The following SHMT2 variants were observed in gnomAD, a reference collection of about 807,000 sequenced individuals.
SHMT2 encodes serine hydroxymethyltransferase 2.
SHMT2 carries 38 observed loss-of-function variants against 59.6 expected under a neutral mutation model. That is an observed-to-expected ratio of 0.64 (90% CI 0.49 to 0.84). SHMT2 has a LOEUF of 0.84. SHMT2 is among the 40% of genes least tolerant of loss of function. The probability of loss-of-function intolerance (pLI) is 0.00; values close to 1 mark genes in which losing one functional copy is unlikely to be tolerated. For synonymous variants in SHMT2, 254 were observed against 258.1 expected, an observed-to-expected ratio of 0.98 and a Z score of 0.15; for missense variants, 533 against 659.5, an observed-to-expected ratio of 0.81 and a Z score of 2.10.
In SHMT2 at chr12:57,229,991, G is replaced by A. The variant is rs533069399; in HGVS notation, c.33+180G>A. ...CCCCTGGGCGCGCGTGGAGTTAACT[G>A]CGAGCCTGTCCTCATTCTGGCGATC... is the stretch of plus-strand genomic sequence containing the variant. On this transcript the variant is annotated intron_variant, in intron 1 of 11. Coordinates refer to ENST00000328923, the MANE Select transcript of SHMT2 (RefSeq NM_005412.6). 15 of 1,445,538 alleles carry A rather than the reference G, an allele frequency of 1.0e-5. No homozygotes were observed. The East Asian group carries it at 1.5e-4, about 14-fold the overall frequency. The allele number at this position is 1,445,538 out of a possible 1,614,324, so 89.5% of individuals were successfully genotyped here. A position where few individuals can be genotyped will look rare whatever the true frequency, so the allele number is the denominator to read the frequency against.
Position 57,233,739 on chromosome 12 carries a change from C to A in SHMT2, c.1124-10C>A. The A allele has an allele frequency of 6.2e-7, 1 of 1,613,794 alleles. No homozygotes were observed. Among genetic ancestry groups the A allele is most frequent in the South Asian group, 1.1e-5 (1 of 91,058 alleles). ...AGGACTCACCACTCCCCATTTCTTA[C>A]CCACCTTAGGTGGTACTGACAACCA... On this transcript the variant is annotated splice_polypyrimidine_tract_variant and intron_variant, in intron 9 of 11. Coordinates refer to ENST00000328923, the MANE Select transcript of SHMT2 (RefSeq NM_005412.6).
intron 1 of SHMT2, chr12:57,230,538 T>G (rs2037270235): frequency 7.4e-7 from 1 of 1,349,376 alleles, no homozygotes; most frequent in African/African-American, 1.5e-5. Flanking sequence ...GGACAAGCTT[T>G]GCAGAGTGGT....
rs1219957565 is a variant in SHMT2, at chr12:57,229,819, T to A, written c.33+8T>A. The A allele has an allele frequency of 3.1e-6, 5 of 1,614,172 alleles. No individual in the cohort carries two copies. Among genetic ancestry groups the A allele is most frequent in the Non-Finnish European group, 4.2e-6 (5 of 1,179,994 alleles). On this transcript the variant is annotated splice_region_variant and intron_variant, in intron 1 of 11. Coordinates refer to ENST00000328923, the MANE Select transcript of SHMT2 (RefSeq NM_005412.6). ...TTGTTTTGGGCGGCTCGGGTAAGAA[T>A]GGGGCTCCAAACGCTGGGTAATCAG...
Position 57,231,892 on chromosome 12 carries a change from T to C in SHMT2, c.491T>C (p.Leu164Pro). Residue 164 changes from leucine (L) to proline (P), a missense_variant, in exon 4 of 12, where the codon CTG becomes CCG. Physicochemically the swap from Leu to Pro is moderately conservative, Grantham distance 98. Coordinates refer to ENST00000328923, the MANE Select transcript of SHMT2 (RefSeq NM_005412.6). ...CAACCTCACGACCGGATCATGGGGCTGGACCTGCCCGATGGGGGCCAGTGA... is the reference window on the plus strand; with the variant it reads ...CAACCTCACGACCGGATCATGGGGCCGGACCTGCCCGATGGGGGCCAGTGA... ...LLQPHDRIMG[L>P]DLPDGGHLTH... 6.2e-7 allele frequency: 1 copy of C among 1,611,694 alleles called. No individual in the cohort carries two copies.
Position 57,234,398 on chromosome 12 carries a change from A to G in SHMT2, c.*37A>G, listed in dbSNP as rs751474653. 2 of 1,532,674 alleles carry G rather than the reference A, an allele frequency of 1.3e-6. No individual in the cohort carries two copies. The highest frequency in any genetic ancestry group is 1.8e-6 in the Non-Finnish European group (2 of 1,139,684). The allele number at this position is 1,532,674 out of a possible 1,614,324, so 94.9% of individuals were successfully genotyped here. A position where few individuals can be genotyped will look rare whatever the true frequency, so the allele number is the denominator to read the frequency against. ...AAATGAGGCCCACAGACTCAAAGTTACTCTCCTTCCCCCTACCTGGGCCAG... is the reference window on the plus strand; with the variant it reads ...AAATGAGGCCCACAGACTCAAAGTTGCTCTCCTTCCCCCTACCTGGGCCAG... On this transcript the variant is annotated 3_prime_UTR_variant, in exon 12 of 12. Transcript: ENST00000328923.
In SHMT2 at chr12:57,232,280, C is replaced by G; in HGVS notation, c.582C>G (p.Pro194=). The G allele has an allele frequency of 1.2e-6, 2 of 1,614,064 alleles. No individual in the cohort carries two copies. The highest frequency in any genetic ancestry group is 1.1e-5 in the South Asian group (1 of 91,080). The change falls in exon 5 of 12, where the codon CCC becomes CCG. Residue 194 remains proline, a synonymous_variant. Transcript: ENST00000328923. The part of the protein sequence containing the change: ...SATSIFFESM[P]YKLNPKTGLI... ...CGTCCATCTTCTTCGAGTCTATGCC[C>G]TATAAGCTCAACGTGAGTGCTCTAG...
At position 57,234,879 on chromosome 12, in the gene SHMT2, G is replaced by A. The variant is rs1222137009; in HGVS notation, c.*518G>A. On this transcript the variant is annotated 3_prime_UTR_variant, in exon 12 of 12. Transcript: ENST00000328923. Reference sequence around the variant, plus strand: ...CTGTCTCTGATCAGAGCCGACACCAGACGTGATTAGCAGGCGCAGCAAATT... The same window carrying A: ...CTGTCTCTGATCAGAGCCGACACCAAACGTGATTAGCAGGCGCAGCAAATT... 1 of 156,772 alleles carries A rather than the reference G, an allele frequency of 6.4e-6. No homozygotes were observed. Among genetic ancestry groups the A allele is most frequent in the Non-Finnish European group, 1.4e-5 (1 of 70,806 alleles). The allele number at this position is 156,772 out of a possible 1,614,324, so 9.7% of individuals were successfully genotyped here.
rs776789647 is a variant in SHMT2 at position 57,230,877 on chromosome 12, T to C, written c.108T>C (p.Thr36=). ...AQHSNAAQTQ[T]GEANRGWTGQ... ...ACAGCAACGCAGCCCAGACTCAGAC[T>C]GGGGAAGCAAACAGGGGCTGGACAG... Residue 36 remains threonine (T), a synonymous_variant, in exon 2 of 12, where the codon ACT becomes ACC. Coordinates refer to ENST00000328923, the MANE Select transcript of SHMT2 (RefSeq NM_005412.6). 3 of 1,614,066 alleles carry C rather than the reference T, an allele frequency of 1.9e-6. No individual in the cohort carries two copies. The highest frequency in any genetic ancestry group is 1.1e-5 in the South Asian group (1 of 91,074).
At position 57,231,749 on chromosome 12, in the gene SHMT2, G is replaced by A. The variant is rs868128613; in HGVS notation, c.348G>A (p.Glu116=). The change falls in exon 4 of 12, where the codon GAG becomes GAA. Residue 116 remains glutamate (E), a synonymous_variant. Transcript: ENST00000328923. ...GAGCAGAGGTGGTGGATGAAATTGA[G>A]CTGCTGTGCCAGCGCCGGGCCTTGG... ...YGGAEVVDEI[E]LLCQRRALEA... The A allele has an allele frequency of 1.6e-5, 26 of 1,614,100 alleles. No homozygotes were observed. Among genetic ancestry groups the A allele is most frequent in the Middle Eastern group, 3.3e-4 (2 of 6,084 alleles).
intron 1 of SHMT2, 127 bp downstream of exon 1, chr12:57,229,938 C>T: frequency 6.7e-7 from 1 of 1,489,818 alleles, no homozygotes; most frequent in Non-Finnish European, 9.0e-7. Flanking sequence ...CCTCAGGGAG[C>T]GGACGTGTAA....
In SHMT2 at chr12:57,232,465, C is replaced by T. The variant is rs760986751; in HGVS notation, c.607C>T (p.Leu203Phe). The change falls in exon 6 of 12, where the codon CTC becomes TTC. Residue 203 changes from leucine to phenylalanine, a missense_variant. Leu to Phe is a conservative substitution (Grantham distance 22). Transcript: ENST00000328923. ...MPYKLNPKTGLIDYNQLALTA... is the reference protein window; with the variant it reads ...MPYKLNPKTGFIDYNQLALTA... ...TGTGTCTGTCCAGCCCAAAACTGGCCTCATTGACTACAACCAGCTGGCACT... is the reference window on the plus strand; with the variant it reads ...TGTGTCTGTCCAGCCCAAAACTGGCTTCATTGACTACAACCAGCTGGCACT... 4 of 1,614,074 alleles carry T rather than the reference C, an allele frequency of 2.5e-6. No individual in the cohort carries two copies. The highest frequency in any genetic ancestry group is 3.4e-6 in the Non-Finnish European group (4 of 1,180,038).
At position 57,233,652 on chromosome 12, in the gene SHMT2, A is replaced by G. The variant is rs765428793; in HGVS notation, c.1113A>G (p.Ser371=). 3 of 1,614,036 alleles carry G rather than the reference A, an allele frequency of 1.9e-6. No homozygotes were observed. Among genetic ancestry groups the G allele is most frequent in the East Asian group, 4.5e-5 (2 of 44,890 alleles). The change falls in exon 9 of 12, where the codon TCA becomes TCG. Residue 371 remains serine, a synonymous_variant. Transcript: ENST00000328923. ...ATGCCCTGCTAGAGCGAGGCTACTC[A>G]CTGGTATCAGGTAAGCCAGCAGGTG... The part of the protein sequence containing the change: ...MADALLERGY[S]LVSGGTDNHL...
chr12:57,231,203 C>G (rs2037302658), intron 2 of SHMT2: 1 of 630,034 alleles, frequency 1.6e-6, no homozygotes, highest in East Asian at 2.8e-5. Context: ...TCCAGGGTCC[C>G]TACAGTTTCA....
At chr12:57,234,183 A>G in intron 11 of SHMT2, 51 bp from the exon 12 acceptor site, 2 of 1,613,202 alleles carry the variant, frequency 1.2e-6, no homozygotes, top group Non-Finnish European at 1.7e-6. Context: ...AGCTGATCTC[A>G]CTGCCTTCCC....
In SHMT2 at chr12:57,233,738, A is replaced by G. The variant is rs1481663241; in HGVS notation, c.1124-11A>G. On this transcript the variant is annotated splice_polypyrimidine_tract_variant and intron_variant, in intron 9 of 11. Transcript: ENST00000328923. ...CAGGACTCACCACTCCCCATTTCTT[A>G]CCCACCTTAGGTGGTACTGACAACC... The G allele has an allele frequency of 6.2e-7, 1 of 1,613,834 alleles. No individual in the cohort carries two copies.
In SHMT2 at chr12:57,234,540, C is replaced by CT. The variant is rs923443104; in HGVS notation, c.*186dup. 1.6e-5 allele frequency: 10 copies of CT among 618,612 alleles called. No homozygotes were observed. The highest frequency in any genetic ancestry group is 1.1e-4 in the Admixed American group (3 of 26,872). The allele number at this position is 618,612 out of a possible 1,614,324, so 38.3% of individuals were successfully genotyped here. A position where few individuals can be genotyped will look rare whatever the true frequency, so the allele number is the denominator to read the frequency against. Reference sequence around the variant, plus strand: ...TAACTGAGAAGATCTTTTCTTTTTCCTTTTTTTGGTAACAAGACTTAGAAG... The same window carrying CT: ...TAACTGAGAAGATCTTTTCTTTTTCCTTTTTTTTGGTAACAAGACTTAGAAG... On this transcript the variant is annotated 3_prime_UTR_variant, in exon 12 of 12. Transcript: ENST00000328923.
intron 2 of SHMT2, 71 bp downstream of exon 2, chr12:57,231,071 A>G (rs2037297477): frequency 6.9e-7 from 1 of 1,450,394 alleles, no homozygotes; most frequent in African/African-American, 1.4e-5. Context: ...ATCTTAACTG[A>G]TATTTCTCCA....
intron 1 of SHMT2, 188 bp downstream of exon 1, chr12:57,229,999 G>T: frequency 7.0e-7 from 1 of 1,437,542 alleles, no homozygotes; most frequent in Non-Finnish European, 9.1e-7. Context: ...CTGCGAGCCT[G>T]TCCTCATTCT....
At chr12:57,231,294 G>T in intron 2 of SHMT2, 187 bp from the exon 3 acceptor site, 1 of 654,004 alleles carries the variant, frequency 1.5e-6, no homozygotes, top group Non-Finnish European at 2.6e-6. Flanking sequence ...GCATTGAGGG[G>T]CCACTGCTCA....
Sources: gnomAD v4.1 joint callset for allele counts on GRCh38, gnomAD v4.1.1 for gene constraint, MANE v1.5 for transcripts, NCBI Gene and HGNC (gene_info 2026-07-23, HGNC 2026-07-21) for gene names.